Variants in MAP2 observed in about 807,000 individuals in gnomAD.
MAP2 encodes the protein microtubule associated protein 2.
Under a neutral mutation model 137.6 loss-of-function variants are expected in MAP2, and 14 were observed. The observed-to-expected ratio is 0.10, with a 90% CI of 0.07 to 0.16. MAP2 has a LOEUF of 0.16. Ranked by LOEUF, MAP2 falls within the 10% of genes least tolerant of loss-of-function variation. MAP2 has a pLI of 1.00. For missense variants in MAP2, 2,088 were observed against 2,191.5 expected (o/e 0.95, Z 0.94); for synonymous variants, 786 against 782.3 (o/e 1.00, Z -0.08).
At chr2:209,576,799 G>A (rs1345436874) in intron 2 of MAP2, among the ~76,000 whole-genome samples, 6 of 152,004 alleles carry the variant, frequency 3.9e-5, no homozygotes, top group African/African-American at 9.7e-5. Context: ...CTCAATTGTC[G>A]GTTGTCTTGT....
At chr2:209,669,519 C>G (rs1215151076) in intron 5 of MAP2, among the ~76,000 whole-genome samples, 7 of 152,044 alleles carry the variant, frequency 4.6e-5, no homozygotes, top group African/African-American at 7.2e-5. Context: ...CTAGTAAAGA[C>G]TATTCTTGGT....
At chr2:209,729,707 G>C (rs1280273955) in intron 14 of MAP2, 143 bp from the exon 15 acceptor site, 6 of 602,986 alleles carry the variant, frequency 1.0e-5, no homozygotes, top group African/African-American at 3.7e-5. Context: ...AATTCTAAAA[G>C]ACTCTTTTTA....
At chr2:209,714,305 C>T (rs2066655949) in intron 13 of MAP2, among the ~76,000 whole-genome samples, 1 of 152,182 alleles carries the variant, frequency 6.6e-6, no homozygotes, top group Admixed American at 6.5e-5. Context: ...TTTTCATTAA[C>T]TGCTCATTGG....
intron 5 of MAP2, among the ~76,000 whole-genome samples, chr2:209,672,110 G>A (rs1218710789): frequency 6.6e-6 from 1 of 151,900 alleles, no homozygotes; most frequent in Non-Finnish European, 1.5e-5. Flanking sequence ...CATGGCAATG[G>A]TGCAGCATGA....
At chr2:209,517,499 A>G (rs1390863503) in intron 2 of MAP2, among the ~76,000 whole-genome samples, 17 of 152,134 alleles carry the variant, frequency 1.1e-4, no homozygotes, top group Non-Finnish European at 4.4e-5. Flanking sequence ...TCAGAAAACT[A>G]AACAGTTTCT....
At chr2:209,593,808 A>G (rs1160971980) in intron 3 of MAP2, among the ~76,000 whole-genome samples, 2 of 43,340 alleles carry the variant, frequency 4.6e-5, no homozygotes, top group Non-Finnish European at 8.5e-5. Context: ...ATAATATATA[A>G]TATAATATAA....
At chr2:209,691,359 C>G (rs2058842914) in intron 7 of MAP2, among the ~76,000 whole-genome samples, 1 of 152,154 alleles carries the variant, frequency 6.6e-6, no homozygotes, top group African/African-American at 2.4e-5. Context: ...TGACCTCCTG[C>G]TGATGCTTCT....
At chr2:209,542,563 C>T (rs2067244633) in intron 2 of MAP2, among the ~76,000 whole-genome samples, 1 of 152,230 alleles carries the variant, frequency 6.6e-6, no homozygotes, top group Admixed American at 6.5e-5. Flanking sequence ...GTTGTTTTAT[C>T]TACATTAACA....
chr2:209,484,099 C>T (rs1297732137), intron 1 of MAP2, among the ~76,000 whole-genome samples: 2 of 152,128 alleles, frequency 1.3e-5, no homozygotes, highest in African/African-American at 2.4e-5. Context: ...AGGTAAAAAT[C>T]TTTACCTCCT....
chr2:209,678,308 A>G (rs2052906266), intron 5 of MAP2, among the ~76,000 whole-genome samples: 1 of 152,018 alleles, frequency 6.6e-6, no homozygotes, highest in African/African-American at 2.4e-5. Flanking sequence ...TTGAAGCCAA[A>G]AAAATGTTCA....
chr2:209,634,868 A>G (rs1354004516), intron 4 of MAP2, among the ~76,000 whole-genome samples: 1 of 152,084 alleles, frequency 6.6e-6, no homozygotes, highest in South Asian at 2.1e-4. Flanking sequence ...TAATTCTTAT[A>G]ATAATAGAGA....
chr2:209,681,458 G>A (rs2054531951), intron 7 of MAP2, among the ~76,000 whole-genome samples: 1 of 152,194 alleles, frequency 6.6e-6, no homozygotes, highest in South Asian at 2.1e-4. Context: ...AACATGGAAT[G>A]TCATGTTAGC....
chr2:209,542,062 A>G (rs1352993354), intron 2 of MAP2, among the ~76,000 whole-genome samples: 1 of 152,200 alleles, frequency 6.6e-6, no homozygotes, highest in Middle Eastern at 3.2e-3. Context: ...TATGAAATGC[A>G]TTTCTTAAAT....
intron 5 of MAP2, among the ~76,000 whole-genome samples, chr2:209,660,971 C>T (rs2043311009): frequency 6.7e-6 from 1 of 149,616 alleles, no homozygotes; most frequent in South Asian, 2.1e-4. Context: ...GTCTTCATAT[C>T]CTGACCTCGT....
At chr2:209,464,616 G>A (rs1703678881) in intron 1 of MAP2, among the ~76,000 whole-genome samples, 1 of 151,864 alleles carries the variant, frequency 6.6e-6, no homozygotes, top group African/African-American at 2.4e-5. Flanking sequence ...ATTGATTCCA[G>A]TCCAGCATTC....
At chr2:209,683,866 T>C (rs1277719154) in intron 7 of MAP2, among the ~76,000 whole-genome samples, 1 of 152,170 alleles carries the variant, frequency 6.6e-6, no homozygotes, top group Non-Finnish European at 1.5e-5. Context: ...TTTTTGTTAA[T>C]TATCAAACTT....
rs113341667 is a variant in MAP2 at position 209,667,442 on chromosome 2, A to T, written c.263-11130A>T. Among the ~76,000 whole-genome samples the T allele has an allele frequency of 4.7e-3, 722 of 152,066 alleles. 2 individuals are homozygous for T. Among genetic ancestry groups the T allele is most frequent in the Non-Finnish European group, 7.0e-3 (473 of 67,882 alleles). On this transcript the variant is annotated intron_variant, in intron 5 of 15. Transcript: ENST00000682079. The stretch of plus-strand genomic sequence containing the variant: ...TAAACTAGCAAAGGGAAAGGAAAGG[A>T]ATCTGAGAAACCAAGCTATTTTTAG...
At chr2:209,686,920 C>T (rs983596906) in intron 7 of MAP2, among the ~76,000 whole-genome samples, 1 of 152,040 alleles carries the variant, frequency 6.6e-6, no homozygotes, top group Admixed American at 6.6e-5. Context: ...CTCTGCTAAG[C>T]TTTCAGAAGG....
chr2:209,582,088 C>A (rs1243567757), intron 3 of MAP2, among the ~76,000 whole-genome samples: 1 of 151,932 alleles, frequency 6.6e-6, no homozygotes, highest in Admixed American at 6.6e-5. Flanking sequence ...ATTTTTAACA[C>A]ATAGTATAGT....
Sources: allele counts gnomAD v4.1 joint callset (sites outside exome capture counted in the v4.1 genomes callset), GRCh38; gene constraint gnomAD v4.1.1; transcripts MANE v1.5; gene names NCBI Gene and HGNC (gene_info 2026-07-23, HGNC 2026-07-21).